MAMDC4: variants seen among roughly 807,000 people sequenced by gnomAD.
MAMDC4 encodes apical endosomal glycoprotein.
In MAMDC4, 168 loss-of-function variants were observed where a neutral mutation model predicts 153.3. That is an observed-to-expected ratio of 1.10 (90% CI 0.97 to 1.25). The LOEUF (loss-of-function observed/expected upper bound fraction) is 1.25, where lower values mean the gene tolerates loss of function less well. Among genes scored for constraint, MAMDC4 ranks in the 50% most tolerant of loss-of-function variants. The probability of loss-of-function intolerance (pLI) is 0.00; values close to 1 mark genes in which losing one functional copy is unlikely to be tolerated. For missense variants in MAMDC4, 1,701 were observed against 1,542.8 expected (o/e 1.10, Z -1.72); for synonymous variants, 744 against 651.5 (o/e 1.14, Z -2.16).
chr9:136,854,412 AGG>A, intron 7 of MAMDC4, 76 bp downstream of exon 7: 1 of 1,493,700 alleles, frequency 6.7e-7, no homozygotes, highest in Non-Finnish European at 9.0e-7. Flanking sequence ...CTCATCCAGG[AGG>A]GGGTGCCTTG....
chr9:136,859,109 G>A lies in MAMDC4; in HGVS notation c.3061G>A (p.Val1021Ile). 6.4e-7 allele frequency: 1 copy of A among 1,553,816 alleles called. No individual in the cohort carries two copies. The highest frequency in any genetic ancestry group is 8.7e-7 in the Non-Finnish European group (1 of 1,149,348). Reference sequence around the variant, plus strand: ...CCAGTGGCTGGAGGCCCAGGTGGAGGTAGCCAGTGCCAAGGAGTTCCAGGT... The same window carrying A: ...CCAGTGGCTGGAGGCCCAGGTGGAGATAGCCAGTGCCAAGGAGTTCCAGGT... ...RHQWLEAQVE[V>I]ASAKEFQIVF... The change falls in exon 24 of 27, where the codon GTA becomes ATA. Residue 1021 changes from valine (V) to isoleucine (I), a missense_variant. By Grantham distance (29) the Val-to-Ile change is conservative (BLOSUM62 3). Coordinates refer to ENST00000317446, the MANE Select transcript of MAMDC4 (RefSeq NM_206920.3).
At position 136,855,424 on chromosome 9, in the gene MAMDC4, C is replaced by G. The variant is rs766989610; in HGVS notation, c.1283-7C>G. 3.2e-5 allele frequency: 51 copies of G among 1,607,424 alleles called. No homozygotes were observed. In the African/African-American group the frequency reaches 5.5e-4, roughly 17 times the overall value. On this transcript the variant is annotated splice_polypyrimidine_tract_variant and splice_region_variant and intron_variant, in intron 11 of 26. Transcript: ENST00000317446. ...CCTGCCTCCTGACACCAGTTCTGCC[C>G]CCACAGAGGTGTCCACCCTGCAGCC...
chr9:136,859,637 C>T (rs1849057755), intron 25 of MAMDC4: 2 of 597,774 alleles, frequency 3.3e-6, no homozygotes, highest in Admixed American at 3.1e-5. Context: ...AGGGCAGCCA[C>T]TGACTGCTCT....
chr9:136,854,348 G>A lies in MAMDC4; in HGVS notation c.796+12G>A, dbSNP rs1244467095. ...CCCACTCACCTGTGGTGAGGCCGGA[G>A]TGGGGGCCCAGAGTGAGGCTGGGAG... is the stretch of plus-strand genomic sequence containing the variant. On this transcript the variant is annotated intron_variant, in intron 7 of 26. Transcript: ENST00000317446. 1.9e-6 allele frequency: 3 copies of A among 1,539,224 alleles called. No individual in the cohort carries two copies. In the African/African-American group the frequency reaches 4.1e-5, roughly 21 times the overall value.
chr9:136,856,427 G>A (rs759615103), intron 14 of MAMDC4: 2 of 788,958 alleles, frequency 2.5e-6, no homozygotes, highest in Admixed American at 1.7e-5. Flanking sequence ...AGCGGGCCCT[G>A]ACTTAACCAT....
chr9:136,857,826 G>A (rs1849029558), intron 19 of MAMDC4, 30 bp downstream of exon 19: 1 of 1,603,574 alleles, frequency 6.2e-7, no homozygotes, highest in Non-Finnish European at 8.5e-7. Context: ...GGCCCCAGTG[G>A]GCTCAGGGAA....
chr9:136,859,753 A>G (rs1003307279), intron 25 of MAMDC4, 133 bp from the exon 26 acceptor site: 1 of 890,420 alleles, frequency 1.1e-6, no homozygotes, highest in South Asian at 1.7e-5. Context: ...CAGAACCAAT[A>G]CCCTCTGCCT....
At position 136,859,291 on chromosome 9, in the gene MAMDC4, A is replaced by AT. The variant is rs1849052868; in HGVS notation, c.3169dup (p.Cys1057LeufsTer62). On this transcript the variant is annotated frameshift_variant, in exon 25 of 27. Coordinates refer to ENST00000317446, the MANE Select transcript of MAMDC4 (RefSeq NM_206920.3). LOFTEE classifies it high-confidence loss of function. ...GACGTGGAGTATCTGGCTGGGCAGCATTGCCAGCAGCCTGCCCCCAGCCCG... is the reference window on the plus strand; with the variant it reads ...GACGTGGAGTATCTGGCTGGGCAGCATTTGCCAGCAGCCTGCCCCCAGCCCG... 1 of 1,611,320 alleles carries AT rather than the reference A, an allele frequency of 6.2e-7. No individual in the cohort carries two copies. Among genetic ancestry groups the AT allele is most frequent in the Admixed American group, 1.7e-5 (1 of 59,878 alleles).
rs1849053341 is a variant in MAMDC4, at chr9:136,859,317, G to C, written c.3193G>C (p.Gly1065Arg). 1 of 1,609,292 alleles carries C rather than the reference G, an allele frequency of 6.2e-7. No individual in the cohort carries two copies. Among genetic ancestry groups the C allele is most frequent in the Non-Finnish European group, 8.5e-7 (1 of 1,178,280 alleles). The stretch of plus-strand genomic sequence containing the variant: ...TTGCCAGCAGCCTGCCCCCAGCCCG[G>C]GTGAGCCCTGGGCTGCAGTGGAGGC... ...QHCQQPAPSP[G>R]NTAAPGSVPA... Residue 1065 changes from glycine (G) to arginine (R), a missense_variant and splice_region_variant, in exon 25 of 27, where the codon GGG (glycine) becomes CGG (arginine). Coordinates refer to ENST00000317446, the MANE Select transcript of MAMDC4 (RefSeq NM_206920.3).
rs374853627 is a variant in MAMDC4 at position 136,859,090 on chromosome 9, G to A, written c.3042G>A (p.Trp1014Ter). The change falls in exon 24 of 27, where the codon TGG (tryptophan) becomes TGA (stop). Residue 1014 changes from tryptophan to a stop codon, truncating the protein, a stop_gained. Coordinates refer to ENST00000317446, the MANE Select transcript of MAMDC4 (RefSeq NM_206920.3). LOFTEE classifies it high-confidence loss of function. The stretch of plus-strand genomic sequence containing the variant: ...CAGGCGGGCATCGGCGGCACCAGTG[G>A]CTGGAGGCCCAGGTGGAGGTAGCCA... ...WGAGGHRRHQ[W>*]LEAQVEVASA... 743 of 1,556,506 alleles carry A rather than the reference G, an allele frequency of 4.8e-4. 12 individuals carry two copies. The South Asian group carries it at 7.8e-3, about 16-fold the overall frequency.
rs756826173 is a variant in MAMDC4, at chr9:136,858,248, C to T, written c.2646C>T (p.Leu882=). The T allele has an allele frequency of 1.1e-5, 18 of 1,601,734 alleles. No homozygotes were observed. In the East Asian group the frequency reaches 3.1e-4, roughly 28 times the overall value. ...AHSYVALDDL[L]LQDGPCPQPG... is the part of the protein sequence containing the mutation. ...CCTACGTGGCTCTGGATGATCTGCT[C>T]CTCCAGGACGGGCCCTGCCCTCAGC... is the stretch of plus-strand genomic sequence containing the variant. The change falls in exon 21 of 27, where the codon CTC becomes CTT. Residue 882 remains leucine (L), a synonymous_variant. Coordinates refer to ENST00000317446, the MANE Select transcript of MAMDC4 (RefSeq NM_206920.3).
intron 1 of MAMDC4, 100 bp from the exon 2 acceptor site, chr9:136,853,002 C>T (rs138646443): frequency 8.0e-6 from 8 of 996,154 alleles, no homozygotes; most frequent in African/African-American, 3.2e-5. Flanking sequence ...GGGGCATCCC[C>T]GGACAAAAGA....
intron 13 of MAMDC4, 55 bp downstream of exon 13, chr9:136,855,903 A>G: frequency 6.7e-7 from 1 of 1,492,260 alleles, no homozygotes; most frequent in Non-Finnish European, 8.9e-7. Flanking sequence ...CAGCGTCCTC[A>G]GAGGGGTCTC....
In MAMDC4 at chr9:136,852,957, G is replaced by C. The variant is rs963307516; in HGVS notation, c.47-145G>C. ...TGAGCCGGGTGGGAGTTCTCTGTGGGTCCCAGCCCCTCCCTGCTCCATCTC... is the reference window on the plus strand; with the variant it reads ...TGAGCCGGGTGGGAGTTCTCTGTGGCTCCCAGCCCCTCCCTGCTCCATCTC... On this transcript the variant is annotated intron_variant, in intron 1 of 26. Transcript: ENST00000317446. 14 of 683,580 alleles carry C rather than the reference G, an allele frequency of 2.0e-5. No individual in the cohort carries two copies. The Admixed American group carries it at 2.1e-4, about 10-fold the overall frequency. 42.3% of individuals were successfully genotyped at this position (683,580 alleles called of 1,614,324 possible). A position where few individuals can be genotyped will look rare whatever the true frequency, so the allele number is the denominator to read the frequency against.
rs1166800554 is a variant in MAMDC4 at position 136,857,013 on chromosome 9, C to T, written c.1944C>T (p.Phe648=). ...VPAAPTECLS[F]WYHLHGPQIG... ...CAGCACCCACGGAGTGTCTCAGCTTCTGGTACCACCTCCATGGGCCCCAGA... is the reference window on the plus strand; with the variant it reads ...CAGCACCCACGGAGTGTCTCAGCTTTTGGTACCACCTCCATGGGCCCCAGA... The change falls in exon 16 of 27, where the codon TTC becomes TTT. Residue 648 remains phenylalanine (F), a synonymous_variant. Transcript: ENST00000317446. The T allele has an allele frequency of 6.2e-7, 1 of 1,612,284 alleles. No homozygotes were observed. Among genetic ancestry groups the T allele is most frequent in the Admixed American group, 1.7e-5 (1 of 59,970 alleles).
In MAMDC4 at chr9:136,860,588, C is replaced by A; in HGVS notation, c.3399C>A (p.Val1133=). 1.2e-6 allele frequency: 2 copies of A among 1,613,210 alleles called. No homozygotes were observed. Among genetic ancestry groups the A allele is most frequent in the Non-Finnish European group, 1.7e-6 (2 of 1,179,886 alleles). ...ATGGTGTCACCCTCCCGGCATCTGT[C>A]ACCAGTGATCCGTAGACCACCCCAG... is the stretch of plus-strand genomic sequence containing the variant. ...NADGVTLPAS[V]TSDP Residue 1133 remains valine, a synonymous_variant, in exon 27 of 27, where the codon GTC becomes GTA. Coordinates refer to ENST00000317446, the MANE Select transcript of MAMDC4 (RefSeq NM_206920.3).
In MAMDC4 at chr9:136,857,786, C is replaced by T. The variant is rs1474446107; in HGVS notation, c.2454C>T (p.Leu818=). ...TGACCTTCTGGTACCACGGGAGCCT[C>T]CGCAGCCCAGGTGAGGGGCTTTGGG... ...ACLTFWYHGS[L]RSPGTLRVYL... The change falls in exon 19 of 27, where the codon CTC becomes CTT. Residue 818 remains leucine, a synonymous_variant. Coordinates refer to ENST00000317446, the MANE Select transcript of MAMDC4 (RefSeq NM_206920.3). 6.2e-7 allele frequency: 1 copy of T among 1,612,328 alleles called. No homozygotes were observed. Among genetic ancestry groups the T allele is most frequent in the Admixed American group, 1.7e-5 (1 of 59,982 alleles).
At chr9:136,853,242 G>GTT (rs779027939) in intron 2 of MAMDC4, 33 bp downstream of exon 2, 10 of 1,612,212 alleles carry the variant, frequency 6.2e-6, no homozygotes, top group Non-Finnish European at 8.5e-6. Flanking sequence ...GGCAGGGCCA[G>GTT]TGCGAGCAGG....
chr9:136,853,566 C>G lies in MAMDC4; in HGVS notation c.350C>G (p.Thr117Ser), dbSNP rs1462191172. The stretch of plus-strand genomic sequence containing the variant: ...CCAGGCTGGTACATGGCCGTTGGAA[C>G]CCACCGAGGGAAAGAGGCATCCACC... ...TDLGWYMAVG[T>S]HRGKEASTAA... The change falls in exon 4 of 27, where the codon ACC (threonine) becomes AGC (serine). Residue 117 changes from threonine (T) to serine (S), a missense_variant. Thr to Ser is a moderately conservative substitution (Grantham distance 58, BLOSUM62 1). Coordinates refer to ENST00000317446, the MANE Select transcript of MAMDC4 (RefSeq NM_206920.3). 2 of 1,612,588 alleles carry G rather than the reference C, an allele frequency of 1.2e-6. No homozygotes were observed. The highest frequency in any genetic ancestry group is 1.7e-6 in the Non-Finnish European group (2 of 1,179,870).
Sources: gnomAD v4.1 joint callset for allele counts on GRCh38, gnomAD v4.1.1 for gene constraint, MANE v1.5 for transcripts, NCBI Gene and HGNC (gene_info 2026-07-23, HGNC 2026-07-21) for gene names.